Variants in UBP1 observed in about 807,000 individuals in gnomAD.
UBP1 encodes upstream binding protein 1.
A neutral mutation model predicts 76.1 loss-of-function variants in UBP1; 22 were observed. The ratio of observed to expected loss-of-function variants is 0.29; its 90% CI spans 0.21 to 0.41. UBP1 has a LOEUF of 0.41. Ranked by LOEUF, UBP1 falls within the 10% of genes least tolerant of loss-of-function variation. The pLI, the probability that UBP1 is intolerant of heterozygous loss-of-function variation, is 1.00. For missense variants in UBP1, 436 were observed against 668.1 expected, an observed-to-expected ratio of 0.65 and a Z score of 3.83; for synonymous variants, 224 against 237.1, an observed-to-expected ratio of 0.94 and a Z score of 0.51.
rs1357649661 is a variant in UBP1 at position 33,388,695 on chromosome 3, A to G, written c.*1636T>C. On this transcript the variant is annotated 3_prime_UTR_variant, in exon 16 of 16. Coordinates refer to ENST00000283629, the MANE Select transcript of UBP1 (RefSeq NM_014517.5). ...TACAGAAAACATGTGGTCACACGAA[A>G]GCAAAGGGAAAAAGTCAGAAAGGAA... The G allele has an allele frequency of 6.6e-6, 1 of 152,246 alleles. No individual in the cohort carries two copies. Among genetic ancestry groups the G allele is most frequent in the East Asian group, 1.9e-4 (1 of 5,204 alleles). 9.4% of individuals were successfully genotyped at this position (152,246 alleles called of 1,614,324 possible).
At chr3:33,418,790 C>T (rs531928422) in intron 2 of UBP1, among the ~76,000 whole-genome samples, 8 of 141,558 alleles carry the variant, frequency 5.7e-5, no homozygotes, top group South Asian at 2.3e-4. Context: ...ACCTGGGAGG[C>T]GGAGGTTGCA....
chr3:33,433,410 C>T (rs1009820552), intron 1 of UBP1, among the ~76,000 whole-genome samples: 7 of 149,342 alleles, frequency 4.7e-5, no homozygotes, highest in African/African-American at 1.5e-4. Flanking sequence ...GGCCGGGCAC[C>T]GTGGGAGTCC....
chr3:33,388,515 C>T lies in UBP1; in HGVS notation c.*1816G>A, dbSNP rs574982392. On this transcript the variant is annotated 3_prime_UTR_variant, in exon 16 of 16. Coordinates refer to ENST00000283629, the MANE Select transcript of UBP1 (RefSeq NM_014517.5). ...GATAAGCATCTAAGTATTTTTACCC[C>T]GCTTCTAAAACCTGATGAGGAATTC... 17 of 152,688 alleles carry T rather than the reference C, an allele frequency of 1.1e-4. No individual in the cohort carries two copies. The highest frequency in any genetic ancestry group is 2.1e-4 in the South Asian group (1 of 4,826). 9.5% of individuals were successfully genotyped at this position (152,688 alleles called of 1,614,324 possible). A position where few individuals can be genotyped will look rare whatever the true frequency, so the allele number is the denominator to read the frequency against.
intron 3 of UBP1, among the ~76,000 whole-genome samples, chr3:33,416,473 CTT>C (rs1164380949): frequency 1.3e-5 from 2 of 152,156 alleles, no homozygotes; most frequent in Admixed American, 1.3e-4. Flanking sequence ...CCCATATTAT[CTT>C]TTACTTTTAG....
At chr3:33,427,126 C>A (rs1358697827) in intron 1 of UBP1, among the ~76,000 whole-genome samples, 1 of 152,176 alleles carries the variant, frequency 6.6e-6, no homozygotes, top group African/African-American at 2.4e-5. Flanking sequence ...TGCCACCACA[C>A]CCAGGTAATT....
chr3:33,402,778 A>G (rs761581883), intron 9 of UBP1, 23 bp downstream of exon 9: 2 of 1,491,822 alleles, frequency 1.3e-6, no homozygotes, highest in Non-Finnish European at 1.8e-6. Flanking sequence ...AGCTGCAGGC[A>G]CACGATCACA....
intron 8 of UBP1, among the ~76,000 whole-genome samples, chr3:33,407,353 C>T (rs752825383): frequency 6.6e-6 from 1 of 152,132 alleles, no homozygotes; most frequent in South Asian, 2.1e-4. Context: ...CCAGAACCTA[C>T]TTCTTTATTA....
intron 15 of UBP1, 99 bp downstream of exon 15, chr3:33,392,464 A>G: frequency 2.0e-6 from 2 of 1,016,258 alleles, no homozygotes; most frequent in East Asian, 2.7e-5. Context: ...AAATGAGTAA[A>G]GCAATCATTT....
intron 4 of UBP1, 87 bp downstream of exon 4, chr3:33,412,635 A>G: frequency 1.1e-6 from 1 of 895,266 alleles, no homozygotes; most frequent in Non-Finnish European, 1.8e-6. Flanking sequence ...TTCCCCACAC[A>G]AGTAATTCAT....
At chr3:33,427,378 G>A (rs2045036190) in intron 1 of UBP1, among the ~76,000 whole-genome samples, 1 of 152,184 alleles carries the variant, frequency 6.6e-6, no homozygotes, top group African/African-American at 2.4e-5. Flanking sequence ...ATAATTATCT[G>A]AGCTGTACGT....
chr3:33,422,579 G>T (rs1178113808), intron 2 of UBP1, among the ~76,000 whole-genome samples: 1 of 151,902 alleles, frequency 6.6e-6, no homozygotes, highest in Non-Finnish European at 1.5e-5. Flanking sequence ...TTAAAAATTT[G>T]CCAGGCATGG....
rs1389463292 is a variant in UBP1, at chr3:33,400,997, G to A, written c.1051C>T (p.His351Tyr). ...GTCTGTGAAGCTCCATCTCCCTGAT[G>A]ATTTGGGGAAGAAGAATTGCTGGGG... Reference protein sequence around the residue: ...VPDSNSSSPNHQGDGASQTSG... With the variant: ...VPDSNSSSPNYQGDGASQTSG... Residue 351 changes from histidine (H) to tyrosine (Y), a missense_variant, in exon 10 of 16, where the codon CAT becomes TAT. His to Tyr is a moderately conservative substitution (Grantham distance 83, BLOSUM62 2). Coordinates refer to ENST00000283629, the MANE Select transcript of UBP1 (RefSeq NM_014517.5). The A allele has an allele frequency of 6.3e-7, 1 of 1,593,324 alleles. No individual in the cohort carries two copies. The highest frequency in any genetic ancestry group is 1.4e-5 in the African/African-American group (1 of 73,398).
At chr3:33,411,440 AC>A in intron 5 of UBP1, 140 bp downstream of exon 5, 1 of 667,192 alleles carries the variant, frequency 1.5e-6, no homozygotes, top group Non-Finnish European at 2.6e-6. Context: ...ACTAGATTAA[AC>A]CTAACTATGT....
chr3:33,404,115 AAAAT>A (rs1209021238), intron 8 of UBP1, among the ~76,000 whole-genome samples: 2 of 152,132 alleles, frequency 1.3e-5, no homozygotes, highest in African/African-American at 2.4e-5. Flanking sequence ...TAAAAACAAT[AAAAT>A]AAATATAATG....
At chr3:33,413,568 T>C (rs2044650712) in intron 3 of UBP1, among the ~76,000 whole-genome samples, 1 of 149,734 alleles carries the variant, frequency 6.7e-6, no homozygotes, top group African/African-American at 2.5e-5. Context: ...AAAAAAAACT[T>C]TGAGTTTTGA....
intron 1 of UBP1, among the ~76,000 whole-genome samples, chr3:33,428,123 A>C (rs2045050770): frequency 7.1e-6 from 1 of 140,380 alleles, no homozygotes; most frequent in Admixed American, 8.0e-5. Context: ...CGGAGGTTGC[A>C]GTGAGCTGAG....
intron 3 of UBP1, among the ~76,000 whole-genome samples, chr3:33,413,560 A>C (rs917763687): frequency 1.3e-5 from 2 of 151,824 alleles, no homozygotes; most frequent in East Asian, 1.9e-4. Context: ...AAAAAAAAAA[A>C]AAAAACTTTG....
At chr3:33,423,543 C>G (rs1308001331) in intron 2 of UBP1, among the ~76,000 whole-genome samples, 1 of 152,116 alleles carries the variant, frequency 6.6e-6, no homozygotes, top group Non-Finnish European at 1.5e-5. Flanking sequence ...TGATTATATT[C>G]AAGTGAGGTA....
intron 1 of UBP1, 123 bp from the exon 2 acceptor site, chr3:33,425,864 A>AT: frequency 1.2e-6 from 1 of 824,668 alleles, no homozygotes; most frequent in Non-Finnish European, 1.6e-6. Flanking sequence ...ATTTAGGGAT[A>AT]GTTTTTTTTT....
Sources: allele counts gnomAD v4.1 joint callset (sites outside exome capture counted in the v4.1 genomes callset), GRCh38; gene constraint gnomAD v4.1.1; transcripts MANE v1.5; gene names NCBI Gene and HGNC (gene_info 2026-07-23, HGNC 2026-07-21).